Variants in NREP observed in about 807,000 individuals in gnomAD.
NREP encodes neuronal regeneration-related protein.
Under a neutral mutation model 8.6 loss-of-function variants are expected in NREP, and 5 were observed. The observed-to-expected ratio is 0.58, with a 90% CI of 0.30 to 1.22. The LOEUF is 1.22. Among genes scored for constraint, NREP ranks in the 50% most tolerant of loss-of-function variants. The pLI is 0.07. For synonymous variants in NREP, 27 were observed against 28.0 expected, an observed-to-expected ratio of 0.96 and a Z score of 0.11; for missense variants, 86 against 82.5, an observed-to-expected ratio of 1.04 and a Z score of -0.17.
At chr5:111,870,073 G>A (rs1329742884) in intron 2 of NREP, among the ~76,000 whole-genome samples, 2 of 152,198 alleles carry the variant, frequency 1.3e-5, no homozygotes, top group African/African-American at 4.8e-5. Context: ...TGGCCAGCCA[G>A]CTTGTACCGA....
At chr5:111,859,450 TGA>T (rs1433192662) in intron 2 of NREP, among the ~76,000 whole-genome samples, 2 of 152,138 alleles carry the variant, frequency 1.3e-5, no homozygotes, top group South Asian at 4.1e-4. Flanking sequence ...GAATCAGAGA[TGA>T]GAGTGTGCCA....
At chr5:111,952,857 C>CAGATAT (rs1756201793) in intron 2 of NREP, among the ~76,000 whole-genome samples, 1 of 152,064 alleles carries the variant, frequency 6.6e-6, no homozygotes, top group Admixed American at 6.6e-5. Context: ...GCTTACAAAA[C>CAGATAT]AGATATATAA....
At chr5:111,893,657 C>T (rs549704598) in intron 2 of NREP, among the ~76,000 whole-genome samples, 161 of 149,940 alleles carry the variant, frequency 1.1e-3, no homozygotes, top group Admixed American at 2.3e-3. Context: ...AACCAATTAA[C>T]AAGTTAAATT....
At chr5:111,770,553 C>CTTTTTT (rs1751193090) in intron 2 of NREP, among the ~76,000 whole-genome samples, 1 of 99,026 alleles carries the variant, frequency 1.0e-5, no homozygotes, top group African/African-American at 4.0e-5. Flanking sequence ...AGAATTATTT[C>CTTTTTT]CTTTTTTTTT....
chr5:111,942,998 T>G (rs1164408344), intron 2 of NREP, among the ~76,000 whole-genome samples: 1 of 151,660 alleles, frequency 6.6e-6, no homozygotes, highest in Non-Finnish European at 1.5e-5. Context: ...GGGTTAAAAG[T>G]ATTATCCTCT....
Position 111,843,723 on chromosome 5 carries a change from G to A in NREP, c.136-108216C>T, listed in dbSNP as rs116141449. On this transcript the variant is annotated intron_variant, in intron 2 of 3. Coordinates refer to the NREP transcript ENST00000395634. ...CTTTAGCTGGGAAAGCCCTTTACCA[G>A]TCAGCCCATTTAGAGATTCTGGAAG... Among the ~76,000 whole-genome samples, 1,396 of 152,244 alleles carry A rather than the reference G, an allele frequency of 9.2e-3. 23 individuals are homozygous for A. Among genetic ancestry groups the A allele is most frequent in the African/African-American group, 0.032 (1,327 of 41,534 alleles).
chr5:111,817,913 G>C (rs1027331537), intron 2 of NREP, among the ~76,000 whole-genome samples: 1 of 150,720 alleles, frequency 6.6e-6, no homozygotes, highest in Non-Finnish European at 1.5e-5. Flanking sequence ...AATTGACCCT[G>C]AGTTTATCAG....
intron 2 of NREP, among the ~76,000 whole-genome samples, chr5:111,846,989 AG>A (rs1753192281): frequency 6.6e-6 from 1 of 152,208 alleles, no homozygotes; most frequent in South Asian, 2.1e-4. Context: ...AAAAAATCTT[AG>A]GGGACCAAAC....
rs375855480 is a variant in NREP, at chr5:111,948,897, C to A, written c.135+26377G>T. 6.6e-5 allele frequency: 10 copies of A among 152,030 alleles called. No homozygotes were observed. The East Asian group carries it at 1.4e-3, about 21-fold the overall frequency. 9.4% of individuals were successfully genotyped at this position (152,030 alleles called of 1,614,324 possible). A position where few individuals can be genotyped will look rare whatever the true frequency, so the allele number is the denominator to read the frequency against. On this transcript the variant is annotated intron_variant, in intron 2 of 3. Transcript: ENST00000395634. ...TCACCTAACTTGAAGACTTGGTGAC[C>A]AAAACTCATCCAGCAAAGATAAATA...
At chr5:111,921,191 A>G (rs1755229075) in intron 2 of NREP, among the ~76,000 whole-genome samples, 1 of 152,062 alleles carries the variant, frequency 6.6e-6, no homozygotes, top group Non-Finnish European at 1.5e-5. Flanking sequence ...TCAGGAGTGG[A>G]GACCCTAACA....
intron 2 of NREP, among the ~76,000 whole-genome samples, chr5:111,925,805 CTTCCA>C (rs1755368543): frequency 6.6e-6 from 1 of 152,156 alleles, no homozygotes; most frequent in Non-Finnish European, 1.5e-5. Context: ...AGTGTTTACT[CTTCCA>C]TTCATCTGTG....
intron 2 of NREP, among the ~76,000 whole-genome samples, chr5:111,794,931 T>C (rs1415608822): frequency 6.7e-6 from 1 of 149,938 alleles, no homozygotes; most frequent in African/African-American, 2.5e-5. Context: ...TATATGGGGG[T>C]CAGGGGATAT....
chr5:111,885,703 C>G (rs1048577837), intron 2 of NREP, among the ~76,000 whole-genome samples: 76 of 152,128 alleles, frequency 5.0e-4, no homozygotes, highest in Middle Eastern at 3.4e-3. Context: ...ACAAACCTGA[C>G]AAAAACAAGC....
At chr5:111,922,121 T>G (rs909809332) in intron 2 of NREP, among the ~76,000 whole-genome samples, 7 of 152,166 alleles carry the variant, frequency 4.6e-5, no homozygotes, top group Non-Finnish European at 2.9e-5. Flanking sequence ...AACTTAATTT[T>G]GAAGGGGTAT....
intron 2 of NREP, among the ~76,000 whole-genome samples, chr5:111,744,971 G>C (rs1749910956): frequency 6.6e-6 from 1 of 151,916 alleles, no homozygotes; most frequent in South Asian, 2.1e-4. Context: ...CCAAAAGAAG[G>C]GAACTATGAG....
intron 2 of NREP, among the ~76,000 whole-genome samples, chr5:111,938,442 T>A (rs1755741946): frequency 6.6e-6 from 1 of 152,092 alleles, no homozygotes; most frequent in South Asian, 2.1e-4. Context: ...TTAAAATCAA[T>A]CTTTGCATCC....
intron 2 of NREP, among the ~76,000 whole-genome samples, chr5:111,741,748 G>A (rs1749681664): frequency 6.6e-6 from 1 of 151,982 alleles, no homozygotes; most frequent in African/African-American, 2.4e-5. Context: ...GAATAAAAGT[G>A]CTGGGGCTTA....
At chr5:111,827,419 C>CA in intron 2 of NREP, among the ~76,000 whole-genome samples, 1 of 152,316 alleles carries the variant, frequency 6.6e-6, no homozygotes, top group South Asian at 2.1e-4. Context: ...CTGGCAGAGT[C>CA]AAAGATTTTT....
At chr5:111,777,739 G>A (rs184211802) in intron 2 of NREP, among the ~76,000 whole-genome samples, 11 of 152,190 alleles carry the variant, frequency 7.2e-5, no homozygotes, top group African/African-American at 2.6e-4. Context: ...GTTTAAGACT[G>A]GCAAAGTTCT....
Sources: gnomAD v4.1 joint callset for allele counts (sites outside exome capture counted in the v4.1 genomes callset) on GRCh38, gnomAD v4.1.1 for gene constraint, MANE v1.5 for transcripts, NCBI Gene and HGNC (gene_info 2026-07-23, HGNC 2026-07-21) for gene names.